VIT: variants seen among roughly 807,000 people sequenced by gnomAD.
VIT encodes the protein vitrin.
Under a neutral mutation model 78.0 loss-of-function variants are expected in VIT, and 99 were observed. The ratio of observed to expected loss-of-function variants is 1.27; its 90% confidence interval spans 1.08 to 1.50. The LOEUF (loss-of-function observed/expected upper bound fraction) is 1.50. VIT is among the 40% of genes most tolerant of loss of function. The probability of loss-of-function intolerance (pLI) is 0.00; values close to 1 mark genes in which losing one functional copy is unlikely to be tolerated. For missense variants in VIT, 1,126 were observed against 875.3 expected (o/e 1.29, Z -3.61); for synonymous variants, 374 against 334.3 (o/e 1.12, Z -1.29).
At chr2:36,797,442 G>A (rs118175820) in intron 12 of VIT, among the ~76,000 whole-genome samples, 13 of 152,168 alleles carry the variant, frequency 8.5e-5, no homozygotes, top group African/African-American at 3.1e-4. Flanking sequence ...TTTAGAGGTA[G>A]GTCTGACAGG....
At chr2:36,723,130 T>C (rs1666617144) in intron 2 of VIT, among the ~76,000 whole-genome samples, 1 of 152,080 alleles carries the variant, frequency 6.6e-6, no homozygotes, top group Non-Finnish European at 1.5e-5. Flanking sequence ...CTTGTCAGAG[T>C]CATTCTTAAG....
At chr2:36,739,758 G>A (rs1010707529) in intron 3 of VIT, among the ~76,000 whole-genome samples, 4 of 152,126 alleles carry the variant, frequency 2.6e-5, no homozygotes, top group African/African-American at 9.7e-5. Flanking sequence ...GGGTGGGGTC[G>A]CAAAGGGAGA....
At chr2:36,740,777 T>C (rs1287573260) in intron 3 of VIT, among the ~76,000 whole-genome samples, 1 of 152,026 alleles carries the variant, frequency 6.6e-6, no homozygotes, top group Non-Finnish European at 1.5e-5. Context: ...GGAGGGAAAA[T>C]TGATTAGCAG....
chr2:36,769,583 T>C (rs1025195563), intron 7 of VIT, among the ~76,000 whole-genome samples: 1 of 152,152 alleles, frequency 6.6e-6, no homozygotes, highest in Non-Finnish European at 1.5e-5. Context: ...GGAGAGCTTT[T>C]TAAAAGTTGT....
At chr2:36,794,615 C>G (rs1386868306) in intron 12 of VIT, among the ~76,000 whole-genome samples, 1 of 152,118 alleles carries the variant, frequency 6.6e-6, no homozygotes, top group African/African-American at 2.4e-5. Flanking sequence ...GTACTGCGCC[C>G]TTGGTCATTT....
At chr2:36,707,330 G>T (rs969565910) in intron 1 of VIT, among the ~76,000 whole-genome samples, 53 of 152,142 alleles carry the variant, frequency 3.5e-4, no homozygotes, top group African/African-American at 1.2e-3. Context: ...GACTTTTCTC[G>T]TGGTCACAAG....
At chr2:36,801,152 A>G (rs978720909) in intron 12 of VIT, 149 bp from the exon 13 acceptor site, 1 of 728,244 alleles carries the variant, frequency 1.4e-6, no homozygotes, top group Non-Finnish European at 2.4e-6. Flanking sequence ...CTCTACACAC[A>G]CCAGTCCACA....
intron 5 of VIT, 63 bp from the exon 6 acceptor site, chr2:36,758,906 C>G (rs1668931506): frequency 1.4e-6 from 2 of 1,419,964 alleles, no homozygotes; most frequent in African/African-American, 1.4e-5. Context: ...CAACTTAGTA[C>G]AGAACCATCT....
intron 1 of VIT, among the ~76,000 whole-genome samples, chr2:36,701,142 C>T (rs1322366268): frequency 2.0e-5 from 3 of 151,766 alleles, no homozygotes; most frequent in Admixed American, 6.6e-5. Context: ...GTAGAGACAC[C>T]GTAGTAATAA....
At chr2:36,743,398 A>C (rs1667955720) in intron 4 of VIT, 142 bp downstream of exon 4, 2 of 1,012,414 alleles carry the variant, frequency 2.0e-6, no homozygotes, top group African/African-American at 1.6e-5. Flanking sequence ...TCATTTAAAA[A>C]GTGCTTTTAC....
rs149537201 is a variant in VIT at position 36,763,226 on chromosome 2, C to T, written c.488-3868C>T. Among the ~76,000 whole-genome samples, 684 of 152,210 alleles carry T rather than the reference C, an allele frequency of 4.5e-3. 6 individuals carry two copies. Among genetic ancestry groups the T allele is most frequent in the African/African-American group, 0.016 (656 of 41,534 alleles). The stretch of plus-strand genomic sequence containing the variant: ...TCCACGACCAGGGCCCTGGAACCTG[C>T]ATTTTAACACCTCCAGTGTGGTTCT... On this transcript the variant is annotated intron_variant, in intron 6 of 15. Transcript: ENST00000379242.
intron 2 of VIT, among the ~76,000 whole-genome samples, chr2:36,722,607 T>C (rs1276131902): frequency 6.6e-6 from 1 of 152,212 alleles, no homozygotes; most frequent in African/African-American, 2.4e-5. Flanking sequence ...AAGAAGGCAT[T>C]GTGGATACTA....
intron 6 of VIT, among the ~76,000 whole-genome samples, chr2:36,761,401 T>G (rs1434658236): frequency 1.3e-5 from 2 of 152,070 alleles, no homozygotes; most frequent in Non-Finnish European, 2.9e-5. Flanking sequence ...TCTACTGGAA[T>G]GGCCTCACCC....
At chr2:36,789,463 A>C (rs1665334030) in intron 12 of VIT, among the ~76,000 whole-genome samples, 1 of 152,116 alleles carries the variant, frequency 6.6e-6, no homozygotes, top group South Asian at 2.1e-4. Context: ...ATCAATGACG[A>C]ATTGATGTGT....
At chr2:36,774,959 G>T (rs1268686885) in intron 8 of VIT, 43 bp from the exon 9 acceptor site, 11 of 1,606,658 alleles carry the variant, frequency 6.8e-6, no homozygotes, top group Admixed American at 1.7e-5. Context: ...AAAGCAGCCT[G>T]CTGGTTGTGT....
chr2:36,807,743 T>C (rs759787680), intron 14 of VIT, among the ~76,000 whole-genome samples: 13 of 152,194 alleles, frequency 8.5e-5, no homozygotes, highest in Admixed American at 2.6e-4. Flanking sequence ...TGCCTTATTT[T>C]TTTCTGGAAT....
chr2:36,805,387 T>C (rs760568016), intron 13 of VIT, 51 bp from the exon 14 acceptor site: 1 of 1,527,204 alleles, frequency 6.5e-7, no homozygotes, highest in East Asian at 2.3e-5. Flanking sequence ...TCTCTTCCTG[T>C]ATTTATAATC....
chr2:36,743,016 G>C, intron 3 of VIT, 84 bp from the exon 4 acceptor site: 1 of 1,552,184 alleles, frequency 6.4e-7, no homozygotes, highest in African/African-American at 1.4e-5. Flanking sequence ...TAGAGATTAA[G>C]TCAATAGTTG....
intron 6 of VIT, among the ~76,000 whole-genome samples, chr2:36,762,898 C>G (rs1213236108): frequency 6.6e-6 from 1 of 152,064 alleles, no homozygotes; most frequent in East Asian, 1.9e-4. Flanking sequence ...ATACTGTTCC[C>G]CCACCACCGC....
Sources: allele counts gnomAD v4.1 joint callset (sites outside exome capture counted in the v4.1 genomes callset), GRCh38; gene constraint gnomAD v4.1.1; transcripts MANE v1.5; gene names NCBI Gene and HGNC (gene_info 2026-07-23, HGNC 2026-07-21).